The following KCNH7 variants were observed in gnomAD, a reference collection of about 807,000 sequenced individuals.
The protein encoded by KCNH7 is voltage-gated inwardly rectifying potassium channel KCNH7.
KCNH7 carries 49 observed loss-of-function variants against 120.8 expected under a neutral mutation model. That is an observed-to-expected ratio of 0.41 (90% CI 0.32 to 0.51). The LOEUF (loss-of-function observed/expected upper bound fraction) is 0.51. Ranked by LOEUF, KCNH7 falls within the 20% of genes least tolerant of loss-of-function variation. KCNH7 has a pLI of 0.38. For synonymous variants in KCNH7, 547 were observed against 516.1 expected (o/e 1.06, Z -0.81); for missense variants, 1,097 against 1,446.6 (o/e 0.76, Z 3.92).
chr2:162,666,994 T>C (rs937750387), intron 2 of KCNH7, among the ~76,000 whole-genome samples: 1 of 150,992 alleles, frequency 6.6e-6, no homozygotes, highest in East Asian at 2.0e-4. Flanking sequence ...AACTATACCT[T>C]CTAGTCTATT....
chr2:162,807,280 A>AAAAAAAAAAAAAAAAAAAAAAC (rs1559143095), intron 2 of KCNH7, among the ~76,000 whole-genome samples: 1 of 144,446 alleles, frequency 6.9e-6, no homozygotes, highest in Non-Finnish European at 1.5e-5. Flanking sequence ...AAAAAAAAAA[A>AAAAAAAAAAAAAAAAAAAAAAC]AAACAAATTA....
intron 2 of KCNH7, among the ~76,000 whole-genome samples, chr2:162,653,095 C>T (rs1026957372): frequency 1.3e-5 from 2 of 152,088 alleles, no homozygotes; most frequent in Non-Finnish European, 2.9e-5. Flanking sequence ...ACTAAGCTCT[C>T]GATTTAGAAG....
chr2:162,470,580 G>T (rs1374925345), intron 6 of KCNH7, among the ~76,000 whole-genome samples: 2 of 151,648 alleles, frequency 1.3e-5, no homozygotes, highest in African/African-American at 4.8e-5. Flanking sequence ...GGAGGTGGGG[G>T]TCAGCCCCCG....
chr2:162,570,248 C>T (rs1026814098), intron 2 of KCNH7, among the ~76,000 whole-genome samples: 133 of 150,378 alleles, frequency 8.8e-4, no homozygotes, highest in South Asian at 2.1e-3. Context: ...GGATAGTTAG[C>T]TCTTCTTGTT....
chr2:162,710,568 T>C (rs1040191238), intron 2 of KCNH7, among the ~76,000 whole-genome samples: 2 of 152,146 alleles, frequency 1.3e-5, no homozygotes, highest in African/African-American at 2.4e-5. Context: ...AGACACATTC[T>C]AATTTTAGTG....
intron 3 of KCNH7, 135 bp downstream of exon 3, chr2:162,536,790 T>C (rs996018417): frequency 2.2e-6 from 2 of 889,974 alleles, no homozygotes; most frequent in African/African-American, 3.3e-5. Context: ...CATGAGCTAA[T>C]GGCTTACTCA....
chr2:162,584,846 ATTTTT>A (rs34171829), intron 2 of KCNH7, among the ~76,000 whole-genome samples: 3 of 136,458 alleles, frequency 2.2e-5, no homozygotes, highest in African/African-American at 8.1e-5. Context: ...TCTCCTTTTA[ATTTTT>A]TTTTTTTTTT....
At chr2:162,757,850 A>G (rs935479466) in intron 2 of KCNH7, among the ~76,000 whole-genome samples, 4 of 152,136 alleles carry the variant, frequency 2.6e-5, no homozygotes, top group Non-Finnish European at 5.9e-5. Context: ...AAAAACTGCC[A>G]TTGAGTGCCA....
chr2:162,512,714 AAAG>A (rs1454878746), intron 4 of KCNH7, 40 bp from the exon 5 acceptor site: 5 of 1,508,232 alleles, frequency 3.3e-6, no homozygotes, highest in East Asian at 4.6e-5. Context: ...AGAAATATAA[AAAG>A]AAGACTAAAA....
Position 162,677,974 on chromosome 2 carries a change from G to A in KCNH7, c.308-140894C>T, listed in dbSNP as rs188562077. ...GTTTCCTGCTCATTTTTTTCTATTG[G>A]ATTGTTATCAAGTTATTTTGAGGAT... On this transcript the variant is annotated intron_variant, in intron 2 of 15. Transcript: ENST00000332142. Among the ~76,000 whole-genome samples, 4 of 151,334 alleles carry A rather than the reference G, an allele frequency of 2.6e-5. 1 individual carries two copies. In the East Asian group the frequency reaches 7.8e-4, roughly 29 times the overall value.
Position 162,838,642 on chromosome 2 carries a change from C to T in KCNH7, c.-124G>A, listed in dbSNP as rs1228544228. Reference sequence around the variant, plus strand: ...TGTGGCAGAGCATCCTCTTTTGAAACCAGAATTCTCTTCCCATTAGCACCA... The same window carrying T: ...TGTGGCAGAGCATCCTCTTTTGAAATCAGAATTCTCTTCCCATTAGCACCA... On this transcript the variant is annotated 5_prime_UTR_variant, in exon 1 of 16. It introduces an in-frame stop codon into an upstream open reading frame of the 5' UTR. Coordinates refer to ENST00000332142, the MANE Select transcript of KCNH7 (RefSeq NM_033272.4). 8 of 690,684 alleles carry T rather than the reference C, an allele frequency of 1.2e-5. No homozygotes were observed. The highest frequency in any genetic ancestry group is 2.0e-5 in the Non-Finnish European group (8 of 408,746). 42.8% of individuals were successfully genotyped at this position (690,684 alleles called of 1,614,324 possible).
At chr2:162,786,848 G>T (rs622593) in intron 2 of KCNH7, among the ~76,000 whole-genome samples, 1 of 152,102 alleles carries the variant, frequency 6.6e-6, no homozygotes, top group African/African-American at 2.4e-5. Flanking sequence ...ACAACCATCC[G>T]CACCAGAAAA....
Position 162,400,325 on chromosome 2 carries a change from C to A in KCNH7, c.2271G>T (p.Leu757Phe). The change falls in exon 10 of 16, where the codon TTG becomes TTT. Residue 757 changes from leucine (L) to phenylalanine (F), a missense_variant. Leu to Phe is a conservative substitution (Grantham distance 22). Around this residue, in one of 8 missense-constraint regions of KCNH7, gnomAD observed 101 missense variants for 176.3 expected, o/e 0.57. Coordinates refer to ENST00000332142, the MANE Select transcript of KCNH7 (RefSeq NM_033272.4). ...RGASKGCLRA[L>F]AMKFKTTHAP... The stretch of plus-strand genomic sequence containing the variant: ...CATGGGTGGTTTTGAACTTCATTGC[C>A]AAAGCTCTAAGGCAACCTTTACTTG... 1 of 1,612,474 alleles carries A rather than the reference C, an allele frequency of 6.2e-7. No individual in the cohort carries two copies. Among genetic ancestry groups the A allele is most frequent in the Non-Finnish European group, 8.5e-7 (1 of 1,179,052 alleles).
intron 2 of KCNH7, among the ~76,000 whole-genome samples, chr2:162,831,799 CTA>C (rs1685489891): frequency 6.6e-6 from 1 of 152,186 alleles, no homozygotes; most frequent in African/African-American, 2.4e-5. Flanking sequence ...GTGAAAATAA[CTA>C]AGAATTTCTC....
chr2:162,516,916 T>C (rs952898811), intron 4 of KCNH7, among the ~76,000 whole-genome samples: 1 of 151,774 alleles, frequency 6.6e-6, no homozygotes, highest in Non-Finnish European at 1.5e-5. Context: ...TAAGCCTCTG[T>C]TTCCTCACTT....
intron 2 of KCNH7, among the ~76,000 whole-genome samples, chr2:162,680,977 A>G (rs984849263): frequency 6.6e-6 from 1 of 151,746 alleles, no homozygotes; most frequent in Non-Finnish European, 1.5e-5. Context: ...GTATATATAA[A>G]ATCCTTTTTA....
At chr2:162,573,991 T>A (rs1693581008) in intron 2 of KCNH7, among the ~76,000 whole-genome samples, 1 of 152,088 alleles carries the variant, frequency 6.6e-6, no homozygotes, top group South Asian at 2.1e-4. Flanking sequence ...TTTTGAATCA[T>A]AATTCTTAAT....
intron 2 of KCNH7, among the ~76,000 whole-genome samples, chr2:162,782,888 G>A (rs953497295): frequency 1.3e-5 from 2 of 152,168 alleles, no homozygotes; most frequent in African/African-American, 4.8e-5. Context: ...ATTATTATAA[G>A]TTGACAATAA....
At chr2:162,504,345 A>C (rs1690790502) in intron 6 of KCNH7, 98 bp downstream of exon 6, 1 of 863,808 alleles carries the variant, frequency 1.2e-6, no homozygotes. Flanking sequence ...AAAATGTCTT[A>C]CCTCTACCGA....
Sources: allele counts gnomAD v4.1 joint callset (sites outside exome capture counted in the v4.1 genomes callset), GRCh38; gene constraint gnomAD v4.1.1; regional missense constraint gnomAD v4.1.1; transcripts MANE v1.5; gene names NCBI Gene and HGNC (gene_info 2026-07-23, HGNC 2026-07-21).